CELF4: variants seen among roughly 807,000 people sequenced by gnomAD.
CELF4 encodes the protein CUG-BP- and ETR-3-like factor 4.
CELF4 carries 18 observed loss-of-function variants against 59.9 expected under a neutral mutation model. The ratio of observed to expected loss-of-function variants is 0.30; its 90% CI spans 0.21 to 0.45. The LOEUF (loss-of-function observed/expected upper bound fraction) is 0.45. Among genes scored for constraint, CELF4 ranks in the 20% least tolerant of loss-of-function variants. The pLI is 1.00. For synonymous variants in CELF4, 261 were observed against 267.1 expected (o/e 0.98, Z 0.22); for missense variants, 456 against 689.0 (o/e 0.66, Z 3.79).
In CELF4 at chr18:37,273,106, G is replaced by T; in HGVS notation, c.859C>A (p.Pro287Thr). The change falls in exon 7 of 13, where the codon CCC (proline) becomes ACC (threonine). Residue 287 changes from proline to threonine, a missense_variant. Physicochemically the swap from Pro to Thr is conservative, Grantham distance 38. Transcript: ENST00000420428. ...TGGGCGGCAGCGAAGGCAGCCATGG[G>T]GTTCAGGTAGCCGCCCTGCGCGACT... ...ASVAQGGYLN[P>T]MAAFAAAQMQ... 6.2e-7 allele frequency: 1 copy of T among 1,613,586 alleles called. No individual in the cohort carries two copies. Among genetic ancestry groups the T allele is most frequent in the Non-Finnish European group, 8.5e-7 (1 of 1,179,958 alleles).
chr18:37,524,987 C>T (rs1442614738), intron 1 of CELF4, among the ~76,000 whole-genome samples: 9 of 152,246 alleles, frequency 5.9e-5, no homozygotes, highest in Non-Finnish European at 1.2e-4. Flanking sequence ...TCGGCCCTCC[C>T]TTTCTTCTCT....
intron 2 of CELF4, among the ~76,000 whole-genome samples, chr18:37,350,234 A>G (rs1182469727): frequency 2.0e-5 from 3 of 152,192 alleles, no homozygotes; most frequent in Non-Finnish European, 4.4e-5. Flanking sequence ...CCTGCAGCAC[A>G]CAGCTTAACA....
At chr18:37,426,351 G>T (rs2099612464) in intron 2 of CELF4, among the ~76,000 whole-genome samples, 1 of 152,160 alleles carries the variant, frequency 6.6e-6, no homozygotes, top group Admixed American at 6.5e-5. Context: ...TGCCTGCCTT[G>T]CCAGACCCCA....
chr18:37,388,704 A>G (rs760753974), intron 2 of CELF4, among the ~76,000 whole-genome samples: 1 of 152,158 alleles, frequency 6.6e-6, no homozygotes, highest in African/African-American at 2.4e-5. Flanking sequence ...GAAGCCAAAA[A>G]GTCCAACTTA....
At chr18:37,428,505 G>A (rs941996948) in intron 2 of CELF4, among the ~76,000 whole-genome samples, 8 of 152,164 alleles carry the variant, frequency 5.3e-5, no homozygotes, top group African/African-American at 1.9e-4. Context: ...GCGTCTACAA[G>A]GAGTCACTCC....
Position 37,431,287 on chromosome 18 carries a change from C to G in CELF4, c.369+54238G>C, listed in dbSNP as rs563895994. Among the ~76,000 whole-genome samples the G allele has an allele frequency of 9.3e-5, 14 of 150,696 alleles. No individual in the cohort carries two copies. The East Asian group carries it at 2.7e-3, about 29-fold the overall frequency. On this transcript the variant is annotated intron_variant, in intron 2 of 12. Coordinates refer to ENST00000420428, the MANE Select transcript of CELF4 (RefSeq NM_020180.4). ...CCTGGAGGTCTTATCATCTCATCTT[C>G]TTTTCCTGGTGGGCTTATCATCTCC...
intron 1 of CELF4, among the ~76,000 whole-genome samples, chr18:37,554,709 T>C (rs1162760098): frequency 6.6e-6 from 1 of 152,188 alleles, no homozygotes; most frequent in African/African-American, 2.4e-5. Context: ...CTTTCCATTC[T>C]GAGGAGCGCC....
chr18:37,430,085 T>C (rs768368739), intron 2 of CELF4, among the ~76,000 whole-genome samples: 1 of 152,214 alleles, frequency 6.6e-6, no homozygotes. Context: ...ACTTCTCTCT[T>C]GGCCACCCCT....
At chr18:37,479,033 C>G (rs2099858723) in intron 2 of CELF4, among the ~76,000 whole-genome samples, 1 of 152,220 alleles carries the variant, frequency 6.6e-6, no homozygotes, top group African/African-American at 2.4e-5. Context: ...TCACCTAACC[C>G]AGGAGAGAGT....
intron 1 of CELF4, among the ~76,000 whole-genome samples, chr18:37,525,673 C>T (rs1272247574): frequency 6.6e-6 from 1 of 152,058 alleles, no homozygotes; most frequent in Non-Finnish European, 1.5e-5. Flanking sequence ...GATGGGTCTA[C>T]AGTATTTCCT....
chr18:37,442,637 A>G (rs2099735727), intron 2 of CELF4, among the ~76,000 whole-genome samples: 1 of 152,170 alleles, frequency 6.6e-6, no homozygotes. Context: ...GGTTGCTTTC[A>G]GTCCACCGGG....
At position 37,408,494 on chromosome 18, in the gene CELF4, G is replaced by GGA. The variant is rs1557416130; in HGVS notation, c.369+77030_369+77031insTC. Among the ~76,000 whole-genome samples, 121 of 49,142 alleles carry GGA rather than the reference G, an allele frequency of 2.5e-3. 1 individual carries two copies. Among genetic ancestry groups the GGA allele is most frequent in the East Asian group, 5.7e-3 (3 of 528 alleles). 32.2% of individuals were successfully genotyped at this position (49,142 alleles called of 152,430 possible). On this transcript the variant is annotated intron_variant, in intron 2 of 12. Coordinates refer to ENST00000420428, the MANE Select transcript of CELF4 (RefSeq NM_020180.4). ...TTTTTTCCCCCTTTGGTTGGTGCCG[G>GGA]GGGGGGGCGCGGTGCAGGAGGATGT...
At position 37,365,481 on chromosome 18, in the gene CELF4, A is replaced by ATTTTT. The variant is rs10670336; in HGVS notation, c.370-43605_370-43601dup. On this transcript the variant is annotated intron_variant, in intron 2 of 12. Transcript: ENST00000420428. ...CAGATCCCTGAAGGCGGATGGGGCAATTTTTTTTTTTTTTTTTTTTTTGAG... is the reference window on the plus strand; with the variant it reads ...CAGATCCCTGAAGGCGGATGGGGCAATTTTTTTTTTTTTTTTTTTTTTTTTTTGAG... Among the ~76,000 whole-genome samples, 636 of 97,692 alleles carry ATTTTT rather than the reference A, an allele frequency of 6.5e-3. 12 individuals are homozygous for ATTTTT. The highest frequency in any genetic ancestry group is 7.3e-3 in the Non-Finnish European group (391 of 53,452). 64.1% of individuals were successfully genotyped at this position (97,692 alleles called of 152,430 possible). A position where few individuals can be genotyped will look rare whatever the true frequency, so the allele number is the denominator to read the frequency against.
chr18:37,470,877 T>TGAGAGAGAGAGAGA (rs1569569550), intron 2 of CELF4, among the ~76,000 whole-genome samples: 5 of 96,996 alleles, frequency 5.2e-5, no homozygotes, highest in South Asian at 3.8e-4. Context: ...TGTGTGTGTG[T>TGAGAGAGAGAGAGA]GTGTGTGTGT....
At chr18:37,562,308 G>A (rs1456769782) in intron 1 of CELF4, among the ~76,000 whole-genome samples, 1 of 151,894 alleles carries the variant, frequency 6.6e-6, no homozygotes, top group Non-Finnish European at 1.5e-5. Flanking sequence ...GAAATGGCAG[G>A]TGGCCAACAA....
At chr18:37,278,408 T>C (rs577900111) in intron 3 of CELF4, among the ~76,000 whole-genome samples, 1 of 152,228 alleles carries the variant, frequency 6.6e-6, no homozygotes, top group Non-Finnish European at 1.5e-5. Flanking sequence ...TTGGGTATTG[T>C]GGCTTGTGCG....
chr18:37,474,811 A>G (rs2099844274), intron 2 of CELF4, among the ~76,000 whole-genome samples: 1 of 152,222 alleles, frequency 6.6e-6, no homozygotes, highest in Admixed American at 6.5e-5. Context: ...TGTCCTGCCC[A>G]TGACCCCTTC....
chr18:37,484,069 C>T (rs1345305378), intron 2 of CELF4, among the ~76,000 whole-genome samples: 1 of 152,126 alleles, frequency 6.6e-6, no homozygotes, highest in African/African-American at 2.4e-5. Flanking sequence ...CTTCTGATTC[C>T]GGCTTTTAGC....
chr18:37,532,266 C>T (rs2099970169), intron 1 of CELF4, among the ~76,000 whole-genome samples: 1 of 152,230 alleles, frequency 6.6e-6, no homozygotes, highest in Non-Finnish European at 1.5e-5. Flanking sequence ...CAGGAGACAG[C>T]CTTTCTTCTT....
Sources: gnomAD v4.1 joint callset for allele counts (sites outside exome capture counted in the v4.1 genomes callset) on GRCh38, gnomAD v4.1.1 for gene constraint, MANE v1.5 for transcripts, NCBI Gene and HGNC (gene_info 2026-07-23, HGNC 2026-07-21) for gene names.